The following EPC2 variants were observed in gnomAD, a reference collection of about 807,000 sequenced individuals.
EPC2 encodes enhancer of polycomb 2, also known as enhancer of polycomb homolog 2.
In EPC2, 14 loss-of-function variants were observed where a neutral mutation model predicts 92.1. The observed-to-expected ratio is 0.15, with a 90% CI of 0.10 to 0.24. The LOEUF is 0.24. Ranked by LOEUF, EPC2 falls within the 10% of genes least tolerant of loss-of-function variation. The pLI is 1.00. For synonymous variants in EPC2, 340 were observed against 334.7 expected (o/e 1.02, Z -0.17); for missense variants, 755 against 971.5 (o/e 0.78, Z 2.96).
chr2:148,651,849 C>T (rs1680693723), intron 1 of EPC2, among the ~76,000 whole-genome samples: 1 of 152,028 alleles, frequency 6.6e-6, no homozygotes, highest in Non-Finnish European at 1.5e-5. Context: ...ACTTCTTTTT[C>T]AGAGGAAGAA....
At chr2:148,693,819 A>G (rs1254486753) in intron 2 of EPC2, among the ~76,000 whole-genome samples, 1 of 152,130 alleles carries the variant, frequency 6.6e-6, no homozygotes, top group African/African-American at 2.4e-5. Context: ...ACTTGCCTCC[A>G]GGATTACCTT....
At chr2:148,645,474 C>T in intron 1 of EPC2, 1 of 356,212 alleles carries the variant, frequency 2.8e-6, no homozygotes, top group South Asian at 3.2e-5. Flanking sequence ...CCGCTCTTGG[C>T]GTACGGTCTC....
chr2:148,745,708 G>A (rs1019357872), intron 3 of EPC2, among the ~76,000 whole-genome samples: 1 of 152,030 alleles, frequency 6.6e-6, no homozygotes, highest in South Asian at 2.1e-4. Flanking sequence ...AGATAACAAA[G>A]GGCTATCTTC....
At chr2:148,656,001 C>CTGTGTGTGTGTG (rs1553537658) in intron 1 of EPC2, among the ~76,000 whole-genome samples, 3 of 59,952 alleles carry the variant, frequency 5.0e-5, no homozygotes, top group Admixed American at 4.5e-4. Context: ...CTGCTGTTAG[C>CTGTGTGTGTGTG]TGTGTGTGTG....
intron 2 of EPC2, among the ~76,000 whole-genome samples, chr2:148,719,751 T>C (rs1370136865): frequency 4.6e-5 from 7 of 152,194 alleles, no homozygotes; most frequent in African/African-American, 1.7e-4. Flanking sequence ...TGGCCTCTTT[T>C]TGTTAGAGCA....
intron 2 of EPC2, among the ~76,000 whole-genome samples, chr2:148,724,912 A>G (rs1682463831): frequency 6.6e-6 from 1 of 152,098 alleles, no homozygotes; most frequent in Non-Finnish European, 1.5e-5. Context: ...CACTGGAGGA[A>G]TAAGGTTATA....
Position 148,728,894 on chromosome 2 carries a change from T to C in EPC2, c.314-14728T>C, listed in dbSNP as rs190715531. ...AAAAATACAAAAAATTAGCCGGGCATGGTGGTGGGCGCCTGTAGTCCCAGC... is the reference window on the plus strand; with the variant it reads ...AAAAATACAAAAAATTAGCCGGGCACGGTGGTGGGCGCCTGTAGTCCCAGC... On this transcript the variant is annotated intron_variant, in intron 2 of 13. Coordinates refer to ENST00000258484, the MANE Select transcript of EPC2 (RefSeq NM_015630.4). 9.0e-3 allele frequency among the ~76,000 whole-genome samples: 1,351 copies of C among 150,884 alleles called. 16 individuals carry two copies. Among genetic ancestry groups the C allele is most frequent in the African/African-American group, 0.029 (1,204 of 41,084 alleles).
At chr2:148,753,561 C>G (rs778099367) in intron 3 of EPC2, among the ~76,000 whole-genome samples, 4 of 152,096 alleles carry the variant, frequency 2.6e-5, no homozygotes, top group Non-Finnish European at 4.4e-5. Context: ...AGCTATTAGA[C>G]TTGAAAACTG....
chr2:148,689,299 C>T (rs888221247), intron 1 of EPC2, among the ~76,000 whole-genome samples: 1 of 151,892 alleles, frequency 6.6e-6, no homozygotes, highest in Non-Finnish European at 1.5e-5. Flanking sequence ...GCCTCAGCCT[C>T]CTGAGTAGCT....
intron 2 of EPC2, among the ~76,000 whole-genome samples, chr2:148,720,591 G>A (rs545759684): frequency 1.3e-5 from 2 of 152,314 alleles, no homozygotes; most frequent in African/African-American, 4.8e-5. Flanking sequence ...GAGACTCCAC[G>A]CAGCTCCGTG....
At chr2:148,708,595 A>G (rs375358950) in intron 2 of EPC2, among the ~76,000 whole-genome samples, 1 of 152,278 alleles carries the variant, frequency 6.6e-6, no homozygotes, top group African/African-American at 2.4e-5. Flanking sequence ...AAAATCCTCA[A>G]TAAAATACTG....
chr2:148,753,491 A>C (rs1346974310), intron 3 of EPC2, among the ~76,000 whole-genome samples: 5 of 152,170 alleles, frequency 3.3e-5, no homozygotes, highest in African/African-American at 1.2e-4. Flanking sequence ...TTCATCTTTT[A>C]TTTTGGACGC....
At chr2:148,650,670 A>G (rs16829119) in intron 1 of EPC2, among the ~76,000 whole-genome samples, 48,055 of 152,028 alleles carry the variant, frequency 0.32, 8,785 homozygotes, top group East Asian at 0.8. Context: ...GAATTGATAC[A>G]GTAGGAATAT....
Position 148,761,439 on chromosome 2 carries a change from T to G in EPC2, c.667-343T>G, listed in dbSNP as rs115539361. Among the ~76,000 whole-genome samples the G allele has an allele frequency of 6.3e-3, 967 of 152,318 alleles. 10 individuals are homozygous for G. Among genetic ancestry groups the G allele is most frequent in the African/African-American group, 0.022 (922 of 41,576 alleles). On this transcript the variant is annotated intron_variant, in intron 4 of 13. Transcript: ENST00000258484. Reference sequence around the variant, plus strand: ...TGGACAGAACTGTTCCTCTCTGTCATTGGAAAATACTTTCCTACACGCTGA... The same window carrying G: ...TGGACAGAACTGTTCCTCTCTGTCAGTGGAAAATACTTTCCTACACGCTGA...
intron 3 of EPC2, among the ~76,000 whole-genome samples, chr2:148,749,911 G>T (rs1683055954): frequency 6.6e-6 from 1 of 152,120 alleles, no homozygotes; most frequent in South Asian, 2.1e-4. Context: ...TTAAAGTGTT[G>T]TCCTATCCAG....
At chr2:148,705,008 C>T (rs1006146501) in intron 2 of EPC2, among the ~76,000 whole-genome samples, 3 of 151,396 alleles carry the variant, frequency 2.0e-5, no homozygotes, top group African/African-American at 7.3e-5. Flanking sequence ...CCATCAGCTT[C>T]ATATTTTATT....
chr2:148,779,533 T>G (rs749665639), intron 10 of EPC2, among the ~76,000 whole-genome samples: 3 of 152,136 alleles, frequency 2.0e-5, no homozygotes, highest in Non-Finnish European at 4.4e-5. Flanking sequence ...CAGTGAGCTA[T>G]GATTGCACCA....
At chr2:148,742,560 C>T (rs907007128) in intron 2 of EPC2, among the ~76,000 whole-genome samples, 1 of 151,892 alleles carries the variant, frequency 6.6e-6, no homozygotes. Flanking sequence ...GCAGACAGAT[C>T]GCTTGAGCCC....
At chr2:148,746,514 ATTGT>A (rs1682986758) in intron 3 of EPC2, among the ~76,000 whole-genome samples, 1 of 152,122 alleles carries the variant, frequency 6.6e-6, no homozygotes, top group African/African-American at 2.4e-5. Flanking sequence ...ATGTTATCAA[ATTGT>A]TTGATTTAGT....
Sources: gnomAD v4.1 joint callset for allele counts (sites outside exome capture counted in the v4.1 genomes callset) on GRCh38, gnomAD v4.1.1 for gene constraint, MANE v1.5 for transcripts, NCBI Gene and HGNC (gene_info 2026-07-23, HGNC 2026-07-21) for gene names.